ZEB1: variants seen among roughly 807,000 people sequenced by gnomAD.
ZEB1 encodes zinc finger E-box binding homeobox 1, also known as zinc finger E-box-binding homeobox 1.
In ZEB1, 21 loss-of-function variants were observed where a neutral mutation model predicts 84.9. The ratio of observed to expected loss-of-function variants is 0.25; its 90% CI spans 0.18 to 0.36. The LOEUF (loss-of-function observed/expected upper bound fraction) is 0.36. Ranked by LOEUF, ZEB1 falls within the 10% of genes least tolerant of loss-of-function variation. ZEB1 has a pLI of 1.00. For synonymous variants in ZEB1, 420 were observed against 471.1 expected (o/e 0.89, Z 1.41); for missense variants, 1,104 against 1,330.2 (o/e 0.83, Z 2.65).
chr10:31,343,950 G>A (rs1012586090), intron 1 of ZEB1, among the ~76,000 whole-genome samples: 4 of 152,076 alleles, frequency 2.6e-5, no homozygotes, highest in African/African-American at 9.7e-5. Context: ...TAATCCCCAC[G>A]TTTTTCTTTT....
intron 6 of ZEB1, among the ~76,000 whole-genome samples, chr10:31,518,030 A>T (rs1488809878): frequency 6.6e-6 from 1 of 152,176 alleles, no homozygotes; most frequent in East Asian, 1.9e-4. Flanking sequence ...CCCTGTTTTA[A>T]AAAATAGTCT....
intron 1 of ZEB1, among the ~76,000 whole-genome samples, chr10:31,371,804 C>G (rs1387759854): frequency 6.6e-6 from 1 of 152,154 alleles, no homozygotes; most frequent in Admixed American, 6.6e-5. Context: ...AATGCTATTT[C>G]TAGTATATCT....
intron 2 of ZEB1, among the ~76,000 whole-genome samples, chr10:31,468,208 C>T (rs1279497899): frequency 6.6e-6 from 1 of 152,172 alleles, no homozygotes; most frequent in Non-Finnish European, 1.5e-5. Context: ...AGCTTTGCCC[C>T]CTCTAGCCAG....
chr10:31,343,202 G>A (rs564878961), intron 1 of ZEB1, among the ~76,000 whole-genome samples: 1 of 152,102 alleles, frequency 6.6e-6, no homozygotes, highest in South Asian at 2.1e-4. Flanking sequence ...TGTGGCACAG[G>A]AAAAAGTTTA....
chr10:31,506,265 T>A (rs1200755482), intron 4 of ZEB1, among the ~76,000 whole-genome samples: 1 of 152,054 alleles, frequency 6.6e-6, no homozygotes, highest in African/African-American at 2.4e-5. Context: ...AAATGTTCTG[T>A]AAGTGTCTCA....
chr10:31,486,118 T>C (rs772036825), intron 2 of ZEB1, among the ~76,000 whole-genome samples: 1 of 151,744 alleles, frequency 6.6e-6, no homozygotes, highest in Admixed American at 6.6e-5. Context: ...TGCCACAGTT[T>C]ATCCATTCAT....
At chr10:31,367,435 A>G (rs1255120764) in intron 1 of ZEB1, among the ~76,000 whole-genome samples, 1 of 152,174 alleles carries the variant, frequency 6.6e-6, no homozygotes, top group Admixed American at 6.5e-5. Flanking sequence ...GATGATGATG[A>G]TGATTGTATT....
chr10:31,476,927 A>G (rs1265434937), intron 2 of ZEB1, among the ~76,000 whole-genome samples: 1 of 152,094 alleles, frequency 6.6e-6, no homozygotes, highest in East Asian at 1.9e-4. Context: ...AGTAAGAATC[A>G]TATATGACAA....
chr10:31,379,507 A>T (rs770543906), intron 1 of ZEB1, among the ~76,000 whole-genome samples: 11 of 151,942 alleles, frequency 7.2e-5, no homozygotes, highest in Non-Finnish European at 1.5e-4. Flanking sequence ...CAGTAACAGT[A>T]TGTGCAAGTC....
intron 1 of ZEB1, among the ~76,000 whole-genome samples, chr10:31,364,480 G>A (rs1262984564): frequency 6.6e-6 from 1 of 152,174 alleles, no homozygotes; most frequent in South Asian, 2.1e-4. Flanking sequence ...GAAGCAGAGC[G>A]CAGGACCAGC....
At chr10:31,328,393 T>C (rs1213881588) in intron 1 of ZEB1, among the ~76,000 whole-genome samples, 1 of 152,192 alleles carries the variant, frequency 6.6e-6, no homozygotes, top group African/African-American at 2.4e-5. Context: ...ATGAAGCATA[T>C]GACGCATTGT....
chr10:31,517,057 T>TA (rs1565188575), intron 6 of ZEB1, among the ~76,000 whole-genome samples: 1 of 152,048 alleles, frequency 6.6e-6, no homozygotes, highest in Non-Finnish European at 1.5e-5. Flanking sequence ...ATTGGAAACT[T>TA]AAAAAAGAAC....
Position 31,380,462 on chromosome 10 carries a change from T to TA in ZEB1, c.58+61171dup, listed in dbSNP as rs199673838. On this transcript the variant is annotated intron_variant, in intron 1 of 8. Transcript: ENST00000424869. ...ATATAATGTCTGCTTGTCATACTCT[T>TA]ATCAATGCTAAAATTGGGCAGTGGT... Among the ~76,000 whole-genome samples the TA allele has an allele frequency of 6.1e-3, 931 of 152,284 alleles. 11 individuals carry two copies. Among genetic ancestry groups the TA allele is most frequent in the African/African-American group, 0.021 (875 of 41,558 alleles).
intron 2 of ZEB1, among the ~76,000 whole-genome samples, chr10:31,469,261 C>T (rs917693138): frequency 2.0e-5 from 3 of 152,128 alleles, no homozygotes; most frequent in Admixed American, 6.5e-5. Context: ...GCGTGAGCGA[C>T]GCAGAAGACG....
intron 4 of ZEB1, among the ~76,000 whole-genome samples, 198 bp from the exon 5 acceptor site, chr10:31,510,470 ACTTTT>A (rs1299016879): frequency 5.3e-5 from 8 of 152,262 alleles, no homozygotes; most frequent in Admixed American, 4.6e-4. Context: ...TGGCTCTGTG[ACTTTT>A]CTTTTAAGTT....
At chr10:31,367,844 C>A (rs2044831884) in intron 1 of ZEB1, among the ~76,000 whole-genome samples, 1 of 151,974 alleles carries the variant, frequency 6.6e-6, no homozygotes, top group African/African-American at 2.4e-5. Context: ...TGTCACAATT[C>A]TTGGTGAAAA....
chr10:31,322,774 T>G lies in ZEB1; in HGVS notation c.58+3482T>G, dbSNP rs531187723. 4.5e-3 allele frequency among the ~76,000 whole-genome samples: 683 copies of G among 151,608 alleles called. 7 individuals carry two copies. The highest frequency in any genetic ancestry group is 0.016 in the African/African-American group (656 of 41,184). On this transcript the variant is annotated intron_variant, in intron 1 of 8. Transcript: ENST00000424869. ...ACCTTTTTTTTTTTTGAGAGAGAGA[T>G]GTACTCTACTAATGACCACATGCTG... is the stretch of plus-strand genomic sequence containing the variant.
At chr10:31,365,824 A>C (rs2044359000) in intron 1 of ZEB1, among the ~76,000 whole-genome samples, 1 of 152,212 alleles carries the variant, frequency 6.6e-6, no homozygotes, top group African/African-American at 2.4e-5. Context: ...AAATTTGTGA[A>C]CATTTTACAT....
rs80194531 is a variant in ZEB1 at position 31,461,211 on chromosome 10, A to C, written c.233A>C (p.Asn78Thr). ...GGGAGGAGCAGTGAAAGAGAAGGGA[A>C]TGCTAAGAACTGCTGGGAGGATGAC... Reference protein sequence around the residue: ...LPGRSSEREGNAKNCWEDDTG... With the variant: ...LPGRSSEREGTAKNCWEDDTG... The change falls in exon 2 of 9, where the codon AAT becomes ACT. Residue 78 changes from asparagine to threonine, a missense_variant. Physicochemically the swap from Asn to Thr is moderately conservative, Grantham distance 65. This residue lies in a region of ZEB1 where 162 missense variants were observed against 184.5 expected (regional missense o/e 0.88). Transcript: ENST00000424869. The C allele has an allele frequency of 2.8e-3, 4,528 of 1,613,224 alleles. 94 individuals are homozygous for C. In the African/African-American group the frequency reaches 0.052, roughly 19 times the overall value.
Sources: gnomAD v4.1 joint callset for allele counts (sites outside exome capture counted in the v4.1 genomes callset) on GRCh38, gnomAD v4.1.1 for gene constraint, gnomAD v4.1.1 regional missense constraint, MANE v1.5 for transcripts, NCBI Gene and HGNC (gene_info 2026-07-23, HGNC 2026-07-21) for gene names.